EVL: variants seen among roughly 807,000 people sequenced by gnomAD.
EVL encodes the protein Enah/Vasp-like.
Under a neutral mutation model 59.6 loss-of-function variants are expected in EVL, and 21 were observed. That is an observed-to-expected ratio of 0.35 (90% confidence interval 0.25 to 0.51). The LOEUF (loss-of-function observed/expected upper bound fraction) is 0.51. Ranked by LOEUF, EVL falls within the 20% of genes least tolerant of loss-of-function variation. The probability of loss-of-function intolerance (pLI) is 0.97; values close to 1 mark genes in which losing one functional copy is unlikely to be tolerated. For synonymous variants in EVL, 198 were observed against 203.5 expected (o/e 0.97, Z 0.23); for missense variants, 462 against 546.6 (o/e 0.85, Z 1.54).
intron 1 of EVL, among the ~76,000 whole-genome samples, chr14:99,980,194 T>G (rs1013996812): frequency 2.0e-5 from 3 of 152,250 alleles, no homozygotes; most frequent in Admixed American, 2.0e-4. Flanking sequence ...AAATTCATTC[T>G]TCAAATGGTC....
At chr14:100,077,628 A>G (rs61984508) in intron 1 of EVL, among the ~76,000 whole-genome samples, 4 of 152,116 alleles carry the variant, frequency 2.6e-5, no homozygotes, top group Admixed American at 6.5e-5. Context: ...TTCATGGACC[A>G]TTTGCCTAGA....
At position 100,144,101 on chromosome 14, in the gene EVL, C is replaced by T. The variant is rs191793298; in HGVS notation, c.*363C>T. On this transcript the variant is annotated 3_prime_UTR_variant, in exon 14 of 14. Coordinates refer to ENST00000392920, the MANE Select transcript of EVL (RefSeq NM_016337.3). ...TAGCGCCTCAGCTGGCGGTGACAGCCGGCCCAGCGTGGCGCCACCACACAC... is the reference window on the plus strand; with the variant it reads ...TAGCGCCTCAGCTGGCGGTGACAGCTGGCCCAGCGTGGCGCCACCACACAC... 56 of 323,406 alleles carry T rather than the reference C, an allele frequency of 1.7e-4. No homozygotes were observed. The East Asian group carries it at 3.5e-3, about 20-fold the overall frequency. 20.0% of individuals were successfully genotyped at this position (323,406 alleles called of 1,614,324 possible).
At chr14:100,138,100 A>G (rs1024390478) in intron 11 of EVL, 1 of 517,128 alleles carries the variant, frequency 1.9e-6, no homozygotes, top group Non-Finnish European at 3.5e-6. Context: ...ACAGTGGGCA[A>G]GTTAGGGGAC....
chr14:100,105,836 G>A (rs1486224304), intron 3 of EVL, among the ~76,000 whole-genome samples: 2 of 152,086 alleles, frequency 1.3e-5, no homozygotes, highest in Admixed American at 6.5e-5. Flanking sequence ...CAGCCGCTTG[G>A]CCACATCCCA....
intron 3 of EVL, among the ~76,000 whole-genome samples, chr14:100,105,416 C>CT (rs1220416438): frequency 5.9e-4 from 89 of 152,080 alleles, no homozygotes; most frequent in African/African-American, 1.9e-3. Flanking sequence ...CATCTGCTGA[C>CT]TGTGTGACTT....
At chr14:100,014,810 A>C (rs537498920) in intron 1 of EVL, among the ~76,000 whole-genome samples, 1 of 152,314 alleles carries the variant, frequency 6.6e-6, no homozygotes, top group East Asian at 1.9e-4. Context: ...TGTAGAAGTG[A>C]AACCAGGGAG....
At chr14:100,055,817 C>CTTTT (rs79548235) in intron 1 of EVL, among the ~76,000 whole-genome samples, 5,687 of 152,152 alleles carry the variant, frequency 0.037, 131 homozygotes, top group Non-Finnish European at 0.047. Context: ...CTTTTTCTTT[C>CTTTT]TCTTTTTCTT....
chr14:100,038,047 G>A (rs4905930), intron 1 of EVL, among the ~76,000 whole-genome samples: 135,447 of 152,170 alleles, frequency 0.89, 60,741 homozygotes, highest in Non-Finnish European at 0.94. Context: ...AACTAGCTCT[G>A]TGGATTCCCA....
intron 1 of EVL, among the ~76,000 whole-genome samples, chr14:100,077,783 G>GT (rs926876891): frequency 1.3e-5 from 2 of 151,972 alleles, no homozygotes; most frequent in Admixed American, 6.6e-5. Context: ...GTTTGTTTTT[G>GT]TTTTTTTGAG....
At chr14:100,118,501 C>G (rs542673695) in intron 3 of EVL, among the ~76,000 whole-genome samples, 9 of 152,224 alleles carry the variant, frequency 5.9e-5, no homozygotes, top group Non-Finnish European at 1.2e-4. Flanking sequence ...CTTCATGTCC[C>G]TGCTTGCAGA....
chr14:100,051,296 G>A (rs1016857894), intron 1 of EVL, among the ~76,000 whole-genome samples: 1 of 152,154 alleles, frequency 6.6e-6, no homozygotes, highest in Non-Finnish European at 1.5e-5. Flanking sequence ...CTACCTGCTT[G>A]TCAGTCACTT....
At chr14:100,115,014 C>G (rs1301214119) in intron 3 of EVL, among the ~76,000 whole-genome samples, 1 of 148,598 alleles carries the variant, frequency 6.7e-6, no homozygotes, top group Non-Finnish European at 1.5e-5. Context: ...GGTTAATAAG[C>G]CCAGCCATGG....
chr14:100,126,808 T>C (rs750697658), intron 5 of EVL, 37 bp downstream of exon 5: 17 of 1,600,836 alleles, frequency 1.1e-5, no homozygotes, highest in Non-Finnish European at 1.4e-5. Context: ...ACTCCCATGC[T>C]GCTGCCAGGT....
chr14:100,028,192 T>C (rs369050283), intron 1 of EVL, among the ~76,000 whole-genome samples: 10 of 150,302 alleles, frequency 6.7e-5, no homozygotes, highest in Non-Finnish European at 1.2e-4. Flanking sequence ...ACAGTGGCTG[T>C]ACTAATTTAT....
chr14:100,105,334 C>T (rs1046544377), intron 3 of EVL, among the ~76,000 whole-genome samples: 1 of 152,102 alleles, frequency 6.6e-6, no homozygotes, highest in South Asian at 2.1e-4. Flanking sequence ...CAGCAACCCT[C>T]TAAGAACAGG....
chr14:100,050,696 A>G (rs1555416861), intron 1 of EVL, among the ~76,000 whole-genome samples: 2 of 149,162 alleles, frequency 1.3e-5, no homozygotes, highest in Non-Finnish European at 1.5e-5. Context: ...CTTTGCCACA[A>G]TTGTTTATTT....
At chr14:100,063,245 C>T (rs1348651243), upstream of EVL, among the ~76,000 whole-genome samples, 2 of 152,186 alleles carry the variant, frequency 1.3e-5, no homozygotes, top group African/African-American at 4.8e-5. Context: ...AGTAGAGAAC[C>T]TGTCCACACC....
At chr14:100,051,442 C>G (rs769815305) in intron 1 of EVL, among the ~76,000 whole-genome samples, 1 of 152,168 alleles carries the variant, frequency 6.6e-6, no homozygotes, top group African/African-American at 2.4e-5. Context: ...GTATAATATT[C>G]TTCTGGTTTC....
Position 99,977,595 on chromosome 14 carries a change from C to T in EVL, c.5+5538C>T, listed in dbSNP as rs144700550. The stretch of plus-strand genomic sequence containing the variant: ...TCGTATTTTCATCCGCCACTACGCG[C>T]GGCTAATATTTTGTATTTTTAGTAG... On this transcript the variant is annotated intron_variant, in intron 1 of 13. Transcript: ENST00000402714. Among the ~76,000 whole-genome samples, 339 of 152,126 alleles carry T rather than the reference C, an allele frequency of 2.2e-3. 2 individuals carry two copies. The highest frequency in any genetic ancestry group is 2.4e-3 in the Admixed American group (37 of 15,272).
Sources: gnomAD v4.1 joint callset for allele counts (sites outside exome capture counted in the v4.1 genomes callset) on GRCh38, gnomAD v4.1.1 for gene constraint, MANE v1.5 for transcripts, NCBI Gene and HGNC (gene_info 2026-07-23, HGNC 2026-07-21) for gene names.